Variants in HNRNPUL1 observed in about 807,000 individuals in gnomAD.
The protein encoded by HNRNPUL1 is heterogeneous nuclear ribonucleoprotein U-like protein 1.
HNRNPUL1 carries 14 observed loss-of-function variants against 108.5 expected under a neutral mutation model. The observed-to-expected ratio is 0.13, with a 90% CI of 0.09 to 0.20. HNRNPUL1 has a LOEUF of 0.20. Ranked by LOEUF, HNRNPUL1 falls within the 10% of genes least tolerant of loss-of-function variation. The pLI, the probability that HNRNPUL1 is intolerant of heterozygous loss-of-function variation, is 1.00. For synonymous variants in HNRNPUL1, 422 were observed against 445.2 expected, an observed-to-expected ratio of 0.95 and a Z score of 0.66; for missense variants, 804 against 1,168.3, an observed-to-expected ratio of 0.69 and a Z score of 4.55.
chr19:41,269,911 C>G (rs1208292728), intron 2 of HNRNPUL1, among the ~76,000 whole-genome samples: 1 of 151,652 alleles, frequency 6.6e-6, no homozygotes, highest in Non-Finnish European at 1.5e-5. Flanking sequence ...CCAGCCTGGG[C>G]AACATAACCC....
intron 7 of HNRNPUL1, among the ~76,000 whole-genome samples, chr19:41,284,314 G>A (rs780660964): frequency 2.3e-4 from 35 of 152,240 alleles, no homozygotes; most frequent in Non-Finnish European, 3.5e-4. Flanking sequence ...AAAAATTCCC[G>A]AAGCCATCAC....
intron 5 of HNRNPUL1, 91 bp downstream of exon 5, chr19:41,276,389 A>G (rs2035558991): frequency 7.1e-7 from 1 of 1,406,540 alleles, no homozygotes; most frequent in South Asian, 1.4e-5. Context: ...CTGCAACTGC[A>G]AAAGAGATTG....
At chr19:41,297,829 G>T (rs538808299) in intron 10 of HNRNPUL1, among the ~76,000 whole-genome samples, 1 of 152,088 alleles carries the variant, frequency 6.6e-6, no homozygotes. Flanking sequence ...CCACACTTTC[G>T]CCTGAAACAG....
At chr19:41,266,605 A>G (rs1691671634) in intron 1 of HNRNPUL1, among the ~76,000 whole-genome samples, 1 of 152,050 alleles carries the variant, frequency 6.6e-6, no homozygotes. Context: ...GCAGCTTTCT[A>G]GTAGGACTGG....
intron 4 of HNRNPUL1, 48 bp from the exon 5 acceptor site, chr19:41,276,111 C>T: frequency 1.2e-6 from 2 of 1,612,348 alleles, no homozygotes; most frequent in South Asian, 1.1e-5. Flanking sequence ...CTCAAGAAAA[C>T]AAAACAAAAT....
chr19:41,287,761 T>C (rs2036323924), intron 7 of HNRNPUL1, among the ~76,000 whole-genome samples: 1 of 152,104 alleles, frequency 6.6e-6, no homozygotes, highest in South Asian at 2.1e-4. Flanking sequence ...GGTTTCACCA[T>C]GTTGGCCAGG....
intron 7 of HNRNPUL1, among the ~76,000 whole-genome samples, chr19:41,291,621 G>T (rs758640497): frequency 6.6e-6 from 1 of 152,090 alleles, no homozygotes; most frequent in Non-Finnish European, 1.5e-5. Flanking sequence ...GGACAGGACT[G>T]GACCACCTTT....
intron 2 of HNRNPUL1, among the ~76,000 whole-genome samples, chr19:41,271,760 C>CCA (rs2035253976): frequency 6.6e-6 from 1 of 152,168 alleles, no homozygotes; most frequent in Non-Finnish European, 1.5e-5. Context: ...AGCTGCAGGA[C>CCA]CACAGTACCC....
At chr19:41,293,492 C>T (rs912099253) in intron 8 of HNRNPUL1, among the ~76,000 whole-genome samples, 7 of 152,172 alleles carry the variant, frequency 4.6e-5, no homozygotes, top group Admixed American at 1.3e-4. Flanking sequence ...CTTACAAACT[C>T]GCCACTCCCC....
chr19:41,285,309 C>T (rs889406431), intron 7 of HNRNPUL1, among the ~76,000 whole-genome samples: 9 of 152,088 alleles, frequency 5.9e-5, no homozygotes, highest in African/African-American at 2.2e-4. Flanking sequence ...TCACTGCAGC[C>T]CCCGCCTCCC....
intron 1 of HNRNPUL1, among the ~76,000 whole-genome samples, chr19:41,265,935 T>A (rs1478736322): frequency 2.6e-5 from 4 of 152,020 alleles, no homozygotes; most frequent in Non-Finnish European, 5.9e-5. Context: ...GGGGAATGTT[T>A]CTGGACCTGA....
chr19:41,302,968 A>G lies in HNRNPUL1; in HGVS notation c.1972+19A>G. On this transcript the variant is annotated intron_variant, in intron 12 of 14. Coordinates refer to ENST00000392006, the MANE Select transcript of HNRNPUL1 (RefSeq NM_007040.6). ...CGAGGAGGTGAGACATCTCACACAC[A>G]GCACTCTCCACTTTCTGTTCCCAGG... The G allele has an allele frequency of 6.6e-7, 1 of 1,514,106 alleles. No homozygotes were observed. Among genetic ancestry groups the G allele is most frequent in the South Asian group, 1.4e-5 (1 of 74,062 alleles). The allele number at this position is 1,514,106 out of a possible 1,614,324, so 93.8% of individuals were successfully genotyped here.
At chr19:41,295,851 A>T (rs12985339) in intron 10 of HNRNPUL1, among the ~76,000 whole-genome samples, 20,930 of 152,154 alleles carry the variant, frequency 0.14, 1,667 homozygotes, top group East Asian at 0.27. Context: ...AGGAATGAGG[A>T]TCCTACACAA....
Position 41,294,957 on chromosome 19 carries a change from G to A in HNRNPUL1, c.1518+271G>A, listed in dbSNP as rs2036801476. ...TGTTTAGCAAAATGGAAGGAGTATG[G>A]ATTTCCAAGCCTGAGAGACTGGAGC... On this transcript the variant is annotated intron_variant, in intron 10 of 14. Transcript: ENST00000392006. This position sits in a 1 kb window ranked among gnomAD's most constrained non-coding sequence, Gnocchi z 4.3. 6.6e-6 allele frequency among the ~76,000 whole-genome samples: 1 copy of A among 152,196 alleles called. No individual in the cohort carries two copies. The highest frequency in any genetic ancestry group is 2.1e-4 in the South Asian group (1 of 4,836).
At chr19:41,290,914 C>G (rs542942182) in intron 7 of HNRNPUL1, among the ~76,000 whole-genome samples, 30 of 152,194 alleles carry the variant, frequency 2.0e-4, no homozygotes, top group African/African-American at 6.7e-4. Flanking sequence ...ATTAGCCGGG[C>G]GTGGTGGCAC....
rs2036768486 is a variant in HNRNPUL1, at chr19:41,294,438, A to G, written c.1367A>G (p.Asn456Ser). 6.2e-7 allele frequency: 1 copy of G among 1,614,198 alleles called. No individual in the cohort carries two copies. The stretch of plus-strand genomic sequence containing the variant: ...AAGAAGTACAACATCCTGGGTACCA[A>G]TGCCATCATGGATAAGATGCGGGTA... ...PSKKYNILGT[N>S]AIMDKMRVMG... Residue 456 changes from asparagine to serine, a missense_variant, in exon 9 of 15, where the codon AAT becomes AGT. Asn to Ser is a conservative substitution (Grantham distance 46, BLOSUM62 1). Transcript: ENST00000392006. The surrounding 1 kb of genome is among the most constrained non-coding windows in gnomAD (Gnocchi z 4.3).
In HNRNPUL1 at chr19:41,292,784, CT is replaced by C; in HGVS notation, c.1266+277del. Reference sequence around the variant, plus strand: ...GAGGCCAGAATAGGGGAAAAGGAGGCTTTTCTTACAGCAGAAAAGGACACTA... The same window carrying C: ...GAGGCCAGAATAGGGGAAAAGGAGGCTTTCTTACAGCAGAAAAGGACACTA... On this transcript the variant is annotated intron_variant, in intron 8 of 14. Transcript: ENST00000392006. The surrounding 1 kb of genome is among the most constrained non-coding windows in gnomAD (Gnocchi z 4.1). 6.6e-6 allele frequency among the ~76,000 whole-genome samples: 1 copy of C among 152,276 alleles called. No homozygotes were observed. The highest frequency in any genetic ancestry group is 1.5e-5 in the Non-Finnish European group (1 of 68,022).
intron 7 of HNRNPUL1, chr19:41,291,979 CAA>C (rs534769812): frequency 4.1e-3 from 973 of 236,446 alleles, no homozygotes; most frequent in South Asian, 5.3e-3. Flanking sequence ...GACCCTGTCT[CAA>C]AAAAAAAAAA....
chr19:41,276,121 TA>T (rs774986953), intron 4 of HNRNPUL1, 37 bp from the exon 5 acceptor site: 1 of 1,612,670 alleles, frequency 6.2e-7, no homozygotes. Context: ...CAAAACAAAA[TA>T]AAAACATCAG....
Sources: gnomAD v4.1 joint callset for allele counts (sites outside exome capture counted in the v4.1 genomes callset) on GRCh38, gnomAD v4.1.1 for gene constraint, Gnocchi (gnomAD v3.1) non-coding constraint, MANE v1.5 for transcripts, NCBI Gene and HGNC (gene_info 2026-07-23, HGNC 2026-07-21) for gene names.